Variants in LRP1B observed in about 807,000 individuals in gnomAD.
LRP1B encodes low-density lipoprotein receptor-related protein 1B.
Under a neutral mutation model 556.6 loss-of-function variants are expected in LRP1B, and 217 were observed. The ratio of observed to expected loss-of-function variants is 0.39; its 90% CI spans 0.35 to 0.44. LRP1B has a LOEUF of 0.44. Ranked by LOEUF, LRP1B falls within the 20% of genes least tolerant of loss-of-function variation. LRP1B has a pLI of 1.00. For missense variants in LRP1B, 5,053 were observed against 5,620.8 expected (o/e 0.90, Z 3.23); for synonymous variants, 2,047 against 1,865.8 (o/e 1.10, Z -2.50).
intron 32 of LRP1B, among the ~76,000 whole-genome samples, chr2:140,780,994 A>G (rs1689678918): frequency 6.6e-6 from 1 of 152,184 alleles, no homozygotes; most frequent in Non-Finnish European, 1.5e-5. Context: ...AGAGATATCT[A>G]TGAAACTCAG....
rs549271435 is a variant in LRP1B at position 142,116,548 on chromosome 2, G to C, written c.82+14100C>G. Among the ~76,000 whole-genome samples the C allele has an allele frequency of 2.0e-5, 3 of 152,208 alleles. No individual in the cohort carries two copies. The East Asian group carries it at 5.8e-4, about 29-fold the overall frequency. On this transcript the variant is annotated intron_variant, in intron 1 of 90. Coordinates refer to ENST00000389484, the MANE Select transcript of LRP1B (RefSeq NM_018557.3). ...TGGATATTGGGATAGAAGGTCATTA[G>C]TGGAAAAAACTGGTAAAATATGAAT...
chr2:141,238,573 C>A (rs1044330278), intron 5 of LRP1B, among the ~76,000 whole-genome samples: 1 of 151,990 alleles, frequency 6.6e-6, no homozygotes, highest in African/African-American at 2.4e-5. Flanking sequence ...AAAATCTTTG[C>A]TTTTATAGAA....
intron 1 of LRP1B, among the ~76,000 whole-genome samples, chr2:142,122,149 A>G (rs780191105): frequency 1.3e-5 from 2 of 152,118 alleles, no homozygotes; most frequent in African/African-American, 2.4e-5. Context: ...GTGTTTTCAT[A>G]GACACCCAGA....
chr2:140,478,903 T>C (rs1688097686), intron 59 of LRP1B, among the ~76,000 whole-genome samples: 2 of 152,174 alleles, frequency 1.3e-5, no homozygotes, highest in South Asian at 4.1e-4. Flanking sequence ...ATAGGAAATA[T>C]GCATATTAAT....
At chr2:141,782,316 T>C (rs1211079483) in intron 2 of LRP1B, among the ~76,000 whole-genome samples, 1 of 152,044 alleles carries the variant, frequency 6.6e-6, no homozygotes, top group Non-Finnish European at 1.5e-5. Context: ...TTCTAAGTAA[T>C]AGTAATGGAT....
At chr2:141,596,319 A>G (rs1687516750) in intron 2 of LRP1B, among the ~76,000 whole-genome samples, 1 of 152,030 alleles carries the variant, frequency 6.6e-6, no homozygotes, top group Admixed American at 6.6e-5. Context: ...AAATTACTTG[A>G]CAAAAAAATC....
chr2:140,587,523 C>T (rs1449153525), intron 43 of LRP1B, among the ~76,000 whole-genome samples: 2 of 152,130 alleles, frequency 1.3e-5, no homozygotes, highest in East Asian at 1.9e-4. Flanking sequence ...TCTAAAAAGT[C>T]AGACTCTTAT....
At chr2:140,535,757 G>A (rs1326183074) in intron 46 of LRP1B, among the ~76,000 whole-genome samples, 1 of 152,062 alleles carries the variant, frequency 6.6e-6, no homozygotes, top group Non-Finnish European at 1.5e-5. Flanking sequence ...AAAAAATATT[G>A]TTGCAATGAA....
intron 32 of LRP1B, among the ~76,000 whole-genome samples, chr2:140,779,631 G>T (rs1309988161): frequency 6.8e-6 from 1 of 147,978 alleles, no homozygotes; most frequent in Non-Finnish European, 1.5e-5. Flanking sequence ...GGAGTCAGAG[G>T]TTGCAGTGAG....
chr2:140,265,341 AT>A (rs1439860313), intron 86 of LRP1B, among the ~76,000 whole-genome samples: 1 of 152,114 alleles, frequency 6.6e-6, no homozygotes, highest in Non-Finnish European at 1.5e-5. Context: ...AAATGTAAAA[AT>A]GTCCCCCAAA....
chr2:140,736,926 T>C (rs973973227), intron 35 of LRP1B, among the ~76,000 whole-genome samples: 10 of 152,082 alleles, frequency 6.6e-5, no homozygotes, highest in Non-Finnish European at 1.2e-4. Flanking sequence ...ACTGGCAAGG[T>C]TGAAGGAACG....
chr2:141,274,284 C>T (rs1457500231), intron 3 of LRP1B, among the ~76,000 whole-genome samples: 1 of 151,794 alleles, frequency 6.6e-6, no homozygotes, highest in African/African-American at 2.4e-5. Context: ...TTACAGTAGC[C>T]AAAACTGGAA....
In LRP1B at chr2:141,768,433, G is replaced by A. The variant is rs555179696; in HGVS notation, c.205+41846C>T. ...TTTTCATTCATTTATTTTAAAAGTG[G>A]CATTTCCAGTATAAGTTTTAAAGGG... is the stretch of plus-strand genomic sequence containing the variant. On this transcript the variant is annotated intron_variant, in intron 2 of 90. Transcript: ENST00000389484. Among the ~76,000 whole-genome samples the A allele has an allele frequency of 9.9e-5, 15 of 152,074 alleles. 2 individuals are homozygous for A. The South Asian group carries it at 3.1e-3, about 32-fold the overall frequency.
chr2:142,030,706 GT>G (rs1703662634), intron 1 of LRP1B, among the ~76,000 whole-genome samples: 1 of 151,802 alleles, frequency 6.6e-6, no homozygotes, highest in Non-Finnish European at 1.5e-5. Flanking sequence ...GTAAAATAAA[GT>G]TGTCTGTGTA....
At chr2:140,950,033 A>G (rs888031869) in intron 20 of LRP1B, among the ~76,000 whole-genome samples, 2 of 151,928 alleles carry the variant, frequency 1.3e-5, no homozygotes, top group African/African-American at 4.8e-5. Flanking sequence ...ATAAAGGAAT[A>G]AGGAGGTATT....
intron 2 of LRP1B, among the ~76,000 whole-genome samples, chr2:141,601,434 C>A (rs1048767372): frequency 6.6e-6 from 1 of 152,094 alleles, no homozygotes; most frequent in African/African-American, 2.4e-5. Flanking sequence ...AGTTTCTAGG[C>A]CAGTGAAGCA....
intron 35 of LRP1B, among the ~76,000 whole-genome samples, chr2:140,748,290 G>GTA (rs372415441): frequency 0.31 from 36,694 of 118,322 alleles, 5,969 homozygotes; most frequent in South Asian, 0.4. Context: ...GTTCATATAT[G>GTA]TATATATATT....
chr2:140,442,623 G>A lies in LRP1B; in HGVS notation c.10295C>T (p.Pro3432Leu), dbSNP rs775705660. The change falls in exon 66 of 91, where the codon CCT becomes CTT. Residue 3432 changes from proline (P) to leucine (L), a missense_variant and splice_region_variant. This residue lies in a region of LRP1B where 262 missense variants were observed against 395.1 expected (regional missense o/e 0.66). Coordinates refer to ENST00000389484, the MANE Select transcript of LRP1B (RefSeq NM_018557.3). Reference protein sequence around the residue: ...CGDEEDERDCPENSCSPDYFQ... With the variant: ...CGDEEDERDCLENSCSPDYFQ... ...ATAGTCTGGAGAACAGCTGTTTTCA[G>A]CTTAGAAAGAAAACTGCCATTAAAA... is the stretch of plus-strand genomic sequence containing the variant. 6.2e-7 allele frequency: 1 copy of A among 1,611,678 alleles called. No individual in the cohort carries two copies. Among genetic ancestry groups the A allele is most frequent in the East Asian group, 2.2e-5 (1 of 44,820 alleles).
At chr2:140,535,443 G>A (rs1204152398) in intron 46 of LRP1B, among the ~76,000 whole-genome samples, 2 of 152,066 alleles carry the variant, frequency 1.3e-5, no homozygotes, top group African/African-American at 2.4e-5. Context: ...CATTTTAAAC[G>A]ATGGTGTGTT....
Sources: gnomAD v4.1 joint callset for allele counts (sites outside exome capture counted in the v4.1 genomes callset) on GRCh38, gnomAD v4.1.1 for gene constraint, gnomAD v4.1.1 regional missense constraint, MANE v1.5 for transcripts, NCBI Gene and HGNC (gene_info 2026-07-23, HGNC 2026-07-21) for gene names.